Variants in NTMT2 observed in about 807,000 individuals in gnomAD.
NTMT2 encodes N-terminal Xaa-Pro-Lys N-methyltransferase 2.
NTMT2 carries 21 observed loss-of-function variants against 23.4 expected under a neutral mutation model. That is an observed-to-expected ratio of 0.90 (90% confidence interval 0.64 to 1.29). The LOEUF (loss-of-function observed/expected upper bound fraction) is 1.29. Among genes scored for constraint, NTMT2 ranks in the 50% most tolerant of loss-of-function variants. The pLI, the probability that NTMT2 is intolerant of heterozygous loss-of-function variation, is 0.00. For missense variants in NTMT2, 336 were observed against 352.0 expected (o/e 0.95, Z 0.36); for synonymous variants, 131 against 127.7 (o/e 1.03, Z -0.17).
chr1:170,167,823 A>T lies in NTMT2; in HGVS notation c.*66A>T. ...TTTGGGATGGGGTTGCTATCCTTCC[A>T]GGTGCCCCTTGTAATGCAGATAGGG... On this transcript the variant is annotated 3_prime_UTR_variant, in exon 4 of 4. Coordinates refer to ENST00000439373, the MANE Select transcript of NTMT2 (RefSeq NM_001136107.2). The T allele has an allele frequency of 6.8e-7, 1 of 1,468,836 alleles. No homozygotes were observed. Among genetic ancestry groups the T allele is most frequent in the Non-Finnish European group, 9.1e-7 (1 of 1,100,952 alleles). The allele number at this position is 1,468,836 out of a possible 1,614,324, so 91.0% of individuals were successfully genotyped here. A position where few individuals can be genotyped will look rare whatever the true frequency, so the allele number is the denominator to read the frequency against.
At chr1:170,152,506 C>T (rs1673089220) in intron 1 of NTMT2, among the ~76,000 whole-genome samples, 2 of 152,252 alleles carry the variant, frequency 1.3e-5, no homozygotes, top group Non-Finnish European at 2.9e-5. Flanking sequence ...AACTAGCCCT[C>T]AGTTGAAAAG....
chr1:170,152,192 G>A (rs964992866), intron 1 of NTMT2, among the ~76,000 whole-genome samples: 2 of 152,196 alleles, frequency 1.3e-5, no homozygotes, highest in Non-Finnish European at 2.9e-5. Context: ...AGAGTTTAGT[G>A]TAGGAGAGAG....
chr1:170,148,577 G>A (rs140005924), intron 1 of NTMT2, among the ~76,000 whole-genome samples: 1 of 152,136 alleles, frequency 6.6e-6, no homozygotes, highest in African/African-American at 2.4e-5. Context: ...GAGAGTCACA[G>A]AGCTAGCCTC....
chr1:170,151,434 T>G (rs58602811), intron 1 of NTMT2: 1,676 of 153,852 alleles, frequency 0.011, 31 homozygotes, highest in African/African-American at 0.038. Context: ...GCTACCCCTT[T>G]GCCATCAAAG....
Position 170,160,504 on chromosome 1 carries a change from T to C in NTMT2, c.155-14T>C. The C allele has an allele frequency of 6.6e-7, 1 of 1,508,336 alleles. No homozygotes were observed. Among genetic ancestry groups the C allele is most frequent in the Non-Finnish European group, 8.8e-7 (1 of 1,130,584 alleles). 93.4% of individuals were successfully genotyped at this position (1,508,336 alleles called of 1,614,324 possible). A position where few individuals can be genotyped will look rare whatever the true frequency, so the allele number is the denominator to read the frequency against. The stretch of plus-strand genomic sequence containing the variant: ...TATAAATATTAATACCTATTAATAA[T>C]GTTTCATTTGCAGTGAAATTGTACG... On this transcript the variant is annotated splice_polypyrimidine_tract_variant and intron_variant, in intron 1 of 3. Coordinates refer to ENST00000439373, the MANE Select transcript of NTMT2 (RefSeq NM_001136107.2).
At chr1:170,161,516 T>TGTCTATCG in intron 2 of NTMT2, 1 of 152,324 alleles carries the variant, frequency 6.6e-6, no homozygotes, top group South Asian at 2.1e-4. Flanking sequence ...TTGGCCTTTA[T>TGTCTATCG]GTCTATCGTG....
chr1:170,159,160 A>G (rs1673219445), intron 1 of NTMT2, among the ~76,000 whole-genome samples: 1 of 152,184 alleles, frequency 6.6e-6, no homozygotes, highest in South Asian at 2.1e-4. Context: ...CTACATGTGC[A>G]GGTAGATTTT....
At chr1:170,168,866 TCAA>T (rs1673448927), downstream of NTMT2, among the ~76,000 whole-genome samples, 1 of 152,164 alleles carries the variant, frequency 6.6e-6, no homozygotes, top group Non-Finnish European at 1.5e-5. Flanking sequence ...CTAAAATCAT[TCAA>T]AAAATGTAAT....
chr1:170,159,710 C>T (rs74564584), intron 1 of NTMT2, among the ~76,000 whole-genome samples: 8,357 of 152,114 alleles, frequency 0.055, 265 homozygotes, highest in Middle Eastern at 0.12. Flanking sequence ...AATCTTGAAC[C>T]AGAAGTTCCA....
intron 1 of NTMT2, chr1:170,151,413 T>C (rs1015475182): frequency 1.3e-5 from 2 of 153,624 alleles, no homozygotes; most frequent in African/African-American, 4.8e-5. Context: ...GGCAAAGACA[T>C]AGATTGTTTA....
intron 1 of NTMT2, among the ~76,000 whole-genome samples, chr1:170,146,694 T>G (rs960995357): frequency 6.6e-6 from 1 of 152,228 alleles, no homozygotes; most frequent in Non-Finnish European, 1.5e-5. Context: ...GGGTTATGTA[T>G]GTATGTTTCT....
intron 1 of NTMT2, among the ~76,000 whole-genome samples, chr1:170,151,827 T>A (rs1409751495): frequency 6.6e-6 from 1 of 152,196 alleles, no homozygotes; most frequent in African/African-American, 2.4e-5. Context: ...TGCCTTGGTT[T>A]CTTCTTCTGT....
chr1:170,165,262 A>G (rs896873728), intron 2 of NTMT2, among the ~76,000 whole-genome samples: 1 of 152,184 alleles, frequency 6.6e-6, no homozygotes, highest in Non-Finnish European at 1.5e-5. Context: ...TATGGAAGCA[A>G]GTTTGAGAAA....
chr1:170,159,008 C>T (rs987882504), intron 1 of NTMT2, among the ~76,000 whole-genome samples: 6 of 151,936 alleles, frequency 3.9e-5, no homozygotes, highest in Admixed American at 3.9e-4. Context: ...TTATCTCAGT[C>T]TTTGTTTTTC....
At chr1:170,150,195 A>G (rs1673041055) in intron 1 of NTMT2, among the ~76,000 whole-genome samples, 1 of 152,202 alleles carries the variant, frequency 6.6e-6, no homozygotes, top group African/African-American at 2.4e-5. Flanking sequence ...TAGATTAGGC[A>G]GCAGTCTCAC....
At chr1:170,149,204 G>T (rs984267186) in intron 1 of NTMT2, among the ~76,000 whole-genome samples, 1 of 152,220 alleles carries the variant, frequency 6.6e-6, no homozygotes, top group Non-Finnish European at 1.5e-5. Flanking sequence ...ACAAATAACT[G>T]TGTATTAATC....
At chr1:170,163,230 C>A (rs953454941) in intron 2 of NTMT2, among the ~76,000 whole-genome samples, 9 of 152,162 alleles carry the variant, frequency 5.9e-5, no homozygotes, top group African/African-American at 2.2e-4. Context: ...AGTACAAATG[C>A]AGTCCTTTTT....
chr1:170,167,342 A>G (rs1673414208), intron 3 of NTMT2, 144 bp from the exon 4 acceptor site: 6 of 742,418 alleles, frequency 8.1e-6, no homozygotes, highest in Non-Finnish European at 1.3e-5. Flanking sequence ...AAATTTTCAA[A>G]GCCTCCTGTA....
intron 1 of NTMT2, among the ~76,000 whole-genome samples, chr1:170,158,813 CTTTAA>C (rs957551263): frequency 3.3e-5 from 5 of 151,876 alleles, no homozygotes; most frequent in African/African-American, 1.2e-4. Flanking sequence ...GTCATCAAAA[CTTTAA>C]TTTATAAGAA....
Sources: gnomAD v4.1 joint callset for allele counts (sites outside exome capture counted in the v4.1 genomes callset) on GRCh38, gnomAD v4.1.1 for gene constraint, MANE v1.5 for transcripts, NCBI Gene and HGNC (gene_info 2026-07-23, HGNC 2026-07-21) for gene names.